The following EXOC2 variants were observed in gnomAD, a reference collection of about 807,000 sequenced individuals.
The protein encoded by EXOC2 is exocyst complex component 2.
Under a neutral mutation model 131.8 loss-of-function variants are expected in EXOC2, and 70 were observed. The observed-to-expected ratio is 0.53, with a 90% CI of 0.44 to 0.65. The LOEUF is 0.65. Among genes scored for constraint, EXOC2 ranks in the 30% least tolerant of loss-of-function variants. The pLI is 0.00. For synonymous variants in EXOC2, 411 were observed against 398.4 expected (o/e 1.03, Z -0.38); for missense variants, 923 against 1,108.6 (o/e 0.83, Z 2.38).
chr6:532,312 CAAG>C (rs1422437314), intron 23 of EXOC2, among the ~76,000 whole-genome samples, 154 bp downstream of exon 23: 2 of 152,168 alleles, frequency 1.3e-5, no homozygotes, highest in African/African-American at 4.8e-5. Flanking sequence ...CCAAACTATC[CAAG>C]AAATGGGTTT....
chr6:503,847 G>GT (rs1241003075), intron 23 of EXOC2, among the ~76,000 whole-genome samples: 1 of 152,150 alleles, frequency 6.6e-6, no homozygotes, highest in Admixed American at 6.5e-5. Context: ...GACCAGCCGA[G>GT]TAGCACGCCC....
In EXOC2 at chr6:555,092, A is replaced by G. The variant is rs573528952; in HGVS notation, c.2054+135T>C. 2.4e-5 allele frequency: 11 copies of G among 453,360 alleles called. No individual in the cohort carries two copies. In the South Asian group the frequency reaches 4.5e-4, roughly 19 times the overall value. 28.1% of individuals were successfully genotyped at this position (453,360 alleles called of 1,614,324 possible). ...GAAAGAATATAGGTCGAATATAAAA[A>G]AAAACTATTACTTCGATATGAACAA... is the stretch of plus-strand genomic sequence containing the variant. On this transcript the variant is annotated intron_variant, in intron 20 of 27. Transcript: ENST00000230449.
chr6:670,393 C>T (rs1448663464), intron 1 of EXOC2: 1 of 152,092 alleles, frequency 6.6e-6, no homozygotes, highest in African/African-American at 2.4e-5. Flanking sequence ...ATAATGACTC[C>T]TACTGAGGTC....
At chr6:595,552 T>TC (rs1759764366) in intron 10 of EXOC2, among the ~76,000 whole-genome samples, 1 of 152,066 alleles carries the variant, frequency 6.6e-6, no homozygotes, top group South Asian at 2.1e-4. Flanking sequence ...CTTAAAAGAA[T>TC]CTTTTTTGGC....
In EXOC2 at chr6:628,342, A is replaced by G. The variant is rs528372747; in HGVS notation, c.422+1493T>C. Among the ~76,000 whole-genome samples the G allele has an allele frequency of 3.8e-4, 58 of 152,362 alleles. No homozygotes were observed. The Middle Eastern group carries it at 0.01, about 27-fold the overall frequency. ...TTCAGTGCCATTATTCTTCACTGCC[A>G]TTACCAATCTCATCAAATAATTAAC... is the stretch of plus-strand genomic sequence containing the variant. On this transcript the variant is annotated intron_variant, in intron 4 of 27. Coordinates refer to ENST00000230449, the MANE Select transcript of EXOC2 (RefSeq NM_018303.6).
intron 6 of EXOC2, among the ~76,000 whole-genome samples, chr6:611,257 C>T (rs1581551334): frequency 6.6e-6 from 1 of 152,104 alleles, no homozygotes; most frequent in African/African-American, 2.4e-5. Flanking sequence ...ATCTGCTCTC[C>T]CTCTTGGTTT....
intron 1 of EXOC2, among the ~76,000 whole-genome samples, chr6:666,105 T>G (rs1447235683): frequency 6.6e-6 from 1 of 152,182 alleles, no homozygotes; most frequent in Non-Finnish European, 1.5e-5. Flanking sequence ...TGAGACCTCA[T>G]GGCCAAAAAC....
chr6:578,762 C>CA (rs999641157), intron 11 of EXOC2, among the ~76,000 whole-genome samples: 34 of 151,444 alleles, frequency 2.2e-4, no homozygotes, highest in African/African-American at 7.3e-4. Flanking sequence ...ACTGTGTTAC[C>CA]AAAAAAATGT....
chr6:509,840 T>C (rs961524331), intron 23 of EXOC2, among the ~76,000 whole-genome samples: 3 of 152,206 alleles, frequency 2.0e-5, no homozygotes, highest in Non-Finnish European at 4.4e-5. Flanking sequence ...CAGACAATAC[T>C]ATAAGAAATC....
chr6:521,238 G>A (rs1454874458), intron 23 of EXOC2, among the ~76,000 whole-genome samples: 1 of 134,056 alleles, frequency 7.5e-6, no homozygotes, highest in Non-Finnish European at 1.6e-5. Flanking sequence ...ACTGAGCACC[G>A]ACACGCACCG....
chr6:640,738 C>T (rs1437904032), intron 1 of EXOC2, among the ~76,000 whole-genome samples: 6 of 152,116 alleles, frequency 3.9e-5, no homozygotes, highest in Admixed American at 6.5e-5. Flanking sequence ...TCATTCCTCA[C>T]GGCCCTCAAA....
chr6:671,649 C>T (rs929294204), intron 1 of EXOC2, among the ~76,000 whole-genome samples: 1 of 152,154 alleles, frequency 6.6e-6, no homozygotes, highest in Non-Finnish European at 1.5e-5. Context: ...AATAAATCCC[C>T]TCAATTTCGT....
chr6:537,337 C>T (rs1452383358), intron 22 of EXOC2, among the ~76,000 whole-genome samples: 2 of 150,030 alleles, frequency 1.3e-5, no homozygotes, highest in African/African-American at 2.5e-5. Flanking sequence ...ACGGAGCGTA[C>T]ACTCGAGTTG....
intron 23 of EXOC2, among the ~76,000 whole-genome samples, chr6:515,327 A>G (rs1266058325): frequency 6.6e-6 from 1 of 152,214 alleles, no homozygotes; most frequent in Non-Finnish European, 1.5e-5. Context: ...GGTAAATGAA[A>G]ATACATGAAA....
At chr6:495,135 T>A (rs985468933) in intron 25 of EXOC2, among the ~76,000 whole-genome samples, 13 of 151,750 alleles carry the variant, frequency 8.6e-5, no homozygotes, top group African/African-American at 3.1e-4. Flanking sequence ...TTCTTTTTTT[T>A]TTTTTTTTGA....
intron 3 of EXOC2, among the ~76,000 whole-genome samples, chr6:632,441 G>T (rs953834826): frequency 1.3e-5 from 2 of 152,162 alleles, no homozygotes; most frequent in Non-Finnish European, 2.9e-5. Context: ...AAAACAAAGT[G>T]CTATGTGGTT....
Position 506,407 on chromosome 6 carries a change from G to A in EXOC2, c.2381-6707C>T, listed in dbSNP as rs1764540539. Among the ~76,000 whole-genome samples the A allele has an allele frequency of 1.3e-5, 2 of 152,182 alleles. No individual in the cohort carries two copies. Among genetic ancestry groups the A allele is most frequent in the Admixed American group, 1.3e-4 (2 of 15,270 alleles). ...AGTATTAGGGAGGGATCATCAGTGT[G>A]GACAGTGTGCCAAGAAAAATACAAG... On this transcript the variant is annotated intron_variant, in intron 23 of 27. Coordinates refer to ENST00000230449, the MANE Select transcript of EXOC2 (RefSeq NM_018303.6). This position sits in a 1 kb window ranked among gnomAD's most constrained non-coding sequence, Gnocchi z 4.4.
chr6:513,356 T>A (rs1764963925), intron 23 of EXOC2, among the ~76,000 whole-genome samples: 1 of 152,226 alleles, frequency 6.6e-6, no homozygotes, highest in Admixed American at 6.5e-5. Context: ...CTGTTTTCCT[T>A]AGCAGAATAT....
chr6:522,679 G>A (rs928328797), intron 23 of EXOC2, among the ~76,000 whole-genome samples: 4 of 150,532 alleles, frequency 2.7e-5, no homozygotes, highest in South Asian at 2.1e-4. Context: ...GCAGGACAGC[G>A]TGTGGGGGAG....
Sources: gnomAD v4.1 joint callset for allele counts (sites outside exome capture counted in the v4.1 genomes callset) on GRCh38, gnomAD v4.1.1 for gene constraint, Gnocchi (gnomAD v3.1) non-coding constraint, MANE v1.5 for transcripts, NCBI Gene and HGNC (gene_info 2026-07-23, HGNC 2026-07-21) for gene names.